Variants in ZNF331 observed in about 807,000 individuals in gnomAD.
ZNF331 encodes C2H2-like zinc finger protein rearranged in thyroid adenomas.
Under a neutral mutation model 7.0 loss-of-function variants are expected in ZNF331, and 2 were observed. That is an observed-to-expected ratio of 0.29 (90% CI 0.12 to 0.90). The LOEUF is 0.90. Ranked by LOEUF, ZNF331 falls within the 40% of genes least tolerant of loss-of-function variation. The pLI is 0.58. For synonymous variants in ZNF331, 196 were observed against 205.4 expected, an observed-to-expected ratio of 0.95 and a Z score of 0.39; for missense variants, 432 against 587.7, an observed-to-expected ratio of 0.74 and a Z score of 2.74.
chr19:53,526,636 T>A (rs1163147877), intron 2 of ZNF331, among the ~76,000 whole-genome samples: 1 of 151,782 alleles, frequency 6.6e-6, no homozygotes, highest in Non-Finnish European at 1.5e-5. Context: ...CACTGCAAGC[T>A]CCGCCTCCCA....
rs2089824247 is a variant in ZNF331 at position 53,560,602 on chromosome 19, A to G, written c.-74+4694A>G. 6.6e-6 allele frequency among the ~76,000 whole-genome samples: 1 copy of G among 152,202 alleles called. No individual in the cohort carries two copies. The highest frequency in any genetic ancestry group is 1.5e-5 in the Non-Finnish European group (1 of 68,036). ...GTATTATCTTACTGTCATAGAGGTC[A>G]GAAGTCTGAAGTGGGTCTCACCGGG... On this transcript the variant is annotated intron_variant, in intron 3 of 5. Coordinates refer to ENST00000449416, the MANE Select transcript of ZNF331 (RefSeq NM_001079906.2). The surrounding 1 kb of genome is among the most constrained non-coding windows in gnomAD (Gnocchi z 4.3).
At chr19:53,529,842 G>A (rs1286739165) in intron 2 of ZNF331, among the ~76,000 whole-genome samples, 4 of 152,176 alleles carry the variant, frequency 2.6e-5, no homozygotes, top group Admixed American at 2.0e-4. Context: ...AAGCAGCTCA[G>A]GGCAGCCTGT....
the ZNF331 span, among the ~76,000 whole-genome samples, chr19:53,514,094 T>C: frequency 1.3e-5 from 2 of 152,242 alleles, no homozygotes; most frequent in African/African-American, 4.8e-5. Flanking sequence ...CTTGAACACC[T>C]GAAAAAATTC....
chr19:53,513,230 T>C, the ZNF331 span, among the ~76,000 whole-genome samples: 5 of 151,918 alleles, frequency 3.3e-5, no homozygotes, highest in Admixed American at 1.3e-4. Context: ...AGGACCCTCA[T>C]ACGGCTGACG....
At chr19:53,556,812 T>A (rs565667865) in intron 3 of ZNF331, among the ~76,000 whole-genome samples, 17 of 152,008 alleles carry the variant, frequency 1.1e-4, no homozygotes, top group African/African-American at 4.1e-4. Flanking sequence ...TGTATATTTT[T>A]ATTTTTATTT....
chr19:53,550,476 A>G (rs1438409088), intron 2 of ZNF331, among the ~76,000 whole-genome samples: 1 of 149,898 alleles, frequency 6.7e-6, no homozygotes, highest in Non-Finnish European at 1.5e-5. Flanking sequence ...ATTTTATTAT[A>G]TAATGACATT....
At position 53,569,307 on chromosome 19, in the gene ZNF331, T is replaced by C; in HGVS notation, c.-70T>C. On this transcript the variant is annotated 5_prime_UTR_variant, in exon 4 of 6. Coordinates refer to ENST00000449416, the MANE Select transcript of ZNF331 (RefSeq NM_001079906.2). ...ATCTCTTTTTTTCCACCCCTAGCTCTAGCCTCTCGGAATTTGTCTTCTTCA... is the reference window on the plus strand; with the variant it reads ...ATCTCTTTTTTTCCACCCCTAGCTCCAGCCTCTCGGAATTTGTCTTCTTCA... The C allele has an allele frequency of 7.0e-6, 11 of 1,580,624 alleles. No individual in the cohort carries two copies. In the South Asian group the frequency reaches 1.1e-4, roughly 16 times the overall value.
chr19:53,544,217 C>T (rs1208595028), intron 2 of ZNF331, among the ~76,000 whole-genome samples: 1 of 143,494 alleles, frequency 7.0e-6, no homozygotes, highest in East Asian at 2.1e-4. Flanking sequence ...GAGCAAGACT[C>T]CGTCTCAAAA....
chr19:53,529,766 A>G (rs1463433935), intron 2 of ZNF331, among the ~76,000 whole-genome samples: 4 of 152,194 alleles, frequency 2.6e-5, no homozygotes, highest in Non-Finnish European at 4.4e-5. Context: ...ATGAGAGAAT[A>G]ACTAAAAGGA....
rs574929434 is a variant in ZNF331 at position 53,562,605 on chromosome 19, A to C, written c.-74+6697A>C. ...CTTGGGAGGCTGAGGTAGGAGAATC[A>C]CTTGAACCTGGGAGGTTGAGGTTGC... On this transcript the variant is annotated intron_variant, in intron 3 of 5. Transcript: ENST00000449416. Among the ~76,000 whole-genome samples, 120 of 150,912 alleles carry C rather than the reference A, an allele frequency of 8.0e-4. 1 individual carries two copies. In the South Asian group the frequency reaches 0.024, roughly 31 times the overall value.
At chr19:53,557,601 C>T (rs966909488) in intron 3 of ZNF331, among the ~76,000 whole-genome samples, 1 of 152,158 alleles carries the variant, frequency 6.6e-6, no homozygotes, top group Non-Finnish European at 1.5e-5. Context: ...GTATTGTGCT[C>T]AGGGTCAGTG....
At chr19:53,533,254 T>G (rs1395541412), upstream of ZNF331, among the ~76,000 whole-genome samples, 1 of 152,224 alleles carries the variant, frequency 6.6e-6, no homozygotes, top group Non-Finnish European at 1.5e-5. Flanking sequence ...CTTGACCTAC[T>G]GGTACTTATC....
chr19:53,518,388 GCTT>G (rs1451102017), upstream of ZNF331, among the ~76,000 whole-genome samples: 2 of 152,298 alleles, frequency 1.3e-5, no homozygotes, highest in South Asian at 4.1e-4. Flanking sequence ...GCCACTACTG[GCTT>G]CTTTTTTCCT....
chr19:53,553,921 A>C (rs2089182383), intron 2 of ZNF331, among the ~76,000 whole-genome samples: 1 of 152,176 alleles, frequency 6.6e-6, no homozygotes. Flanking sequence ...GCAGGGAGCA[A>C]GATGGACTCA....
intron 2 of ZNF331, among the ~76,000 whole-genome samples, chr19:53,532,890 A>C (rs968049002): frequency 6.6e-6 from 1 of 151,644 alleles, no homozygotes; most frequent in Non-Finnish European, 1.5e-5. Flanking sequence ...GATTTTATTG[A>C]TTTTTGAGTC....
intron 3 of ZNF331, among the ~76,000 whole-genome samples, chr19:53,561,941 A>T (rs1346596326): frequency 6.6e-6 from 1 of 152,114 alleles, no homozygotes; most frequent in African/African-American, 2.4e-5. Flanking sequence ...TGAGGTCAGG[A>T]GTTCGAAACC....
intron 2 of ZNF331, chr19:53,554,895 T>A (rs1229896239): frequency 6.5e-6 from 1 of 153,142 alleles, no homozygotes; most frequent in African/African-American, 2.4e-5. Context: ...TGAGGTGCGC[T>A]CTGGGGGATA....
the ZNF331 span, among the ~76,000 whole-genome samples, chr19:53,506,738 C>T: frequency 8.5e-5 from 13 of 152,074 alleles, no homozygotes; most frequent in Admixed American, 2.0e-4. Flanking sequence ...ATGTCCTGTT[C>T]GGTTTCTGCA....
At chr19:53,532,716 C>G (rs1600228719) in intron 2 of ZNF331, among the ~76,000 whole-genome samples, 1 of 152,124 alleles carries the variant, frequency 6.6e-6, no homozygotes, top group African/African-American at 2.4e-5. Context: ...CTGATGTGTT[C>G]AGATTTTTCT....
Sources: gnomAD v4.1 joint callset for allele counts (sites outside exome capture counted in the v4.1 genomes callset) on GRCh38, gnomAD v4.1.1 for gene constraint, Gnocchi (gnomAD v3.1) non-coding constraint, MANE v1.5 for transcripts, NCBI Gene and HGNC (gene_info 2026-07-23, HGNC 2026-07-21) for gene names.